Variants in TMEM44 observed in about 807,000 individuals in gnomAD.
TMEM44 encodes the protein transmembrane protein 44.
TMEM44 carries 43 observed loss-of-function variants against 47.8 expected under a neutral mutation model. The observed-to-expected ratio is 0.90, with a 90% CI of 0.70 to 1.16. The LOEUF (loss-of-function observed/expected upper bound fraction) is 1.16, where lower values mean the gene tolerates loss of function less well. TMEM44 is among the 50% of genes most tolerant of loss of function. The probability of loss-of-function intolerance (pLI) is 0.00; values close to 1 mark genes in which losing one functional copy is unlikely to be tolerated. For synonymous variants in TMEM44, 277 were observed against 238.8 expected (o/e 1.16, Z -1.48); for missense variants, 568 against 555.2 (o/e 1.02, Z -0.23).
In TMEM44 at chr3:194,588,228, A is replaced by G; in HGVS notation, c.*301T>C. ...TTCATGGCTGACTCTCAAGGGAATG[A>G]AGGGAAAAGGAAGAGCGGGTCTGAG... On this transcript the variant is annotated 3_prime_UTR_variant, in exon 10 of 10. Coordinates refer to ENST00000347147, the MANE Select transcript of TMEM44 (RefSeq NM_001011655.3). 3.0e-6 allele frequency: 1 copy of G among 335,522 alleles called. No homozygotes were observed. The highest frequency in any genetic ancestry group is 6.4e-5 in the East Asian group (1 of 15,652). 20.8% of individuals were successfully genotyped at this position (335,522 alleles called of 1,614,324 possible). A position where few individuals can be genotyped will look rare whatever the true frequency, so the allele number is the denominator to read the frequency against.
At chr3:194,620,604 C>T (rs1273823688) in intron 5 of TMEM44, among the ~76,000 whole-genome samples, 5 of 152,168 alleles carry the variant, frequency 3.3e-5, no homozygotes, top group Non-Finnish European at 7.3e-5. Context: ...TAAAGGGGCA[C>T]ATTTCAGGTT....
At chr3:194,600,974 T>C (rs1013160886) in intron 9 of TMEM44, among the ~76,000 whole-genome samples, 1 of 152,278 alleles carries the variant, frequency 6.6e-6, no homozygotes, top group Admixed American at 6.5e-5. Flanking sequence ...GTATTATCTG[T>C]ATGTTTTAGG....
At chr3:194,610,199 C>T (rs562821845) in intron 8 of TMEM44, among the ~76,000 whole-genome samples, 94 of 150,702 alleles carry the variant, frequency 6.2e-4, no homozygotes, top group African/African-American at 2.1e-3. Flanking sequence ...CCAGCCTGGG[C>T]GACAGAGTGT....
intron 5 of TMEM44, among the ~76,000 whole-genome samples, chr3:194,622,312 C>A (rs1716631531): frequency 1.3e-5 from 2 of 152,250 alleles, no homozygotes; most frequent in Non-Finnish European, 1.5e-5. Context: ...ACAGTTTTCA[C>A]CCTTGCTCAT....
chr3:194,615,684 G>C lies in TMEM44; in HGVS notation c.797C>G (p.Ser266Trp). ...AALDLAIIFLSCVMKSKMRQA... is the reference protein window; with the variant it reads ...AALDLAIIFLWCVMKSKMRQA... ...TCTCATCTTGCTCTTCATCACACAC[G>C]AAAGGAAAATAATCTGAGATGGTGT... The change falls in exon 7 of 10, where the codon TCG becomes TGG. Residue 266 changes from serine (S) to tryptophan (W), a missense_variant. Ser to Trp is a radical substitution (Grantham distance 177). Coordinates refer to ENST00000347147, the MANE Select transcript of TMEM44 (RefSeq NM_001011655.3). The C allele has an allele frequency of 6.2e-7, 1 of 1,613,846 alleles. No homozygotes were observed. Among genetic ancestry groups the C allele is most frequent in the Non-Finnish European group, 8.5e-7 (1 of 1,179,902 alleles).
intron 9 of TMEM44, among the ~76,000 whole-genome samples, chr3:194,591,325 T>C (rs1712676685): frequency 6.6e-6 from 1 of 151,742 alleles, no homozygotes. Context: ...AAACCCCATC[T>C]CTATTAAAAA....
At chr3:194,615,843 G>T in intron 6 of TMEM44, 146 bp from the exon 7 acceptor site, 1 of 1,146,142 alleles carries the variant, frequency 8.7e-7, no homozygotes, top group Non-Finnish European at 1.2e-6. Flanking sequence ...ACAGAGAGGA[G>T]CTCATCTGAA....
intron 9 of TMEM44, among the ~76,000 whole-genome samples, chr3:194,603,852 A>AT (rs113208853): frequency 1.8e-4 from 27 of 147,246 alleles, no homozygotes; most frequent in Admixed American, 3.4e-4. Flanking sequence ...ACGGAAGTTC[A>AT]TTTTTTTTTT....
chr3:194,587,928 G>C lies in TMEM44; in HGVS notation c.*601C>G, dbSNP rs188773838. ...AGGTTGGAGGAAGTCCTGGTACCCGGAGCAGTTTGCTTTGTTTTTGCAGTG... is the reference window on the plus strand; with the variant it reads ...AGGTTGGAGGAAGTCCTGGTACCCGCAGCAGTTTGCTTTGTTTTTGCAGTG... On this transcript the variant is annotated 3_prime_UTR_variant, in exon 10 of 10. Transcript: ENST00000347147. The C allele has an allele frequency of 1.3e-5, 2 of 152,654 alleles. No individual in the cohort carries two copies. The highest frequency in any genetic ancestry group is 2.9e-5 in the Non-Finnish European group (2 of 68,392). The allele number at this position is 152,654 out of a possible 1,614,324, so 9.5% of individuals were successfully genotyped here.
intron 8 of TMEM44, among the ~76,000 whole-genome samples, chr3:194,606,990 T>C (rs1714854396): frequency 7.2e-6 from 1 of 139,408 alleles, no homozygotes; most frequent in Admixed American, 7.2e-5. Context: ...AAAATAAAAA[T>C]AAAACAAAAT....
chr3:194,630,828 T>G lies in TMEM44; in HGVS notation c.137+2251A>C, dbSNP rs1023009301. ...GAGGGGCTGGCTGTTTCCGTCGGCA[T>G]CACTGATAGGGCCTCTGAAATAATA... On this transcript the variant is annotated intron_variant, in intron 1 of 9. Transcript: ENST00000347147. Among the ~76,000 whole-genome samples, 4 of 146,620 alleles carry G rather than the reference T, an allele frequency of 2.7e-5. No individual in the cohort carries two copies. The East Asian group carries it at 8.3e-4, about 31-fold the overall frequency.
intron 1 of TMEM44, chr3:194,632,837 G>C (rs1717960443): frequency 3.2e-6 from 2 of 622,560 alleles, no homozygotes; most frequent in African/African-American, 2.0e-5. Flanking sequence ...CGGTGTCCTC[G>C]GGGCCCCATC....
chr3:194,605,443 T>C (rs1040860156), intron 8 of TMEM44, among the ~76,000 whole-genome samples: 2 of 152,256 alleles, frequency 1.3e-5, no homozygotes, highest in African/African-American at 4.8e-5. Context: ...AGAGGTTTAA[T>C]GGACTTACAG....
At chr3:194,594,509 G>A (rs1713166746) in intron 9 of TMEM44, among the ~76,000 whole-genome samples, 1 of 150,664 alleles carries the variant, frequency 6.6e-6, no homozygotes, top group Non-Finnish European at 1.5e-5. Context: ...GTATCTCATA[G>A]ATAAGGACTT....
intron 9 of TMEM44, among the ~76,000 whole-genome samples, chr3:194,601,348 A>G (rs1490750755): frequency 6.7e-6 from 1 of 148,508 alleles, no homozygotes; most frequent in Non-Finnish European, 1.5e-5. Context: ...CTCGCTGCCC[A>G]GGCTGGAGTG....
intron 8 of TMEM44, among the ~76,000 whole-genome samples, chr3:194,610,487 G>A (rs1184513630): frequency 3.3e-5 from 5 of 152,026 alleles, no homozygotes; most frequent in Non-Finnish European, 7.4e-5. Flanking sequence ...TCTGCACCAG[G>A]AAGAGAGCTA....
chr3:194,602,271 G>A (rs1259237665), intron 9 of TMEM44, among the ~76,000 whole-genome samples: 2 of 152,174 alleles, frequency 1.3e-5, no homozygotes, highest in African/African-American at 2.4e-5. Flanking sequence ...TGTGGCTCCT[G>A]GGGCACACGG....
Position 194,611,619 on chromosome 3 carries a change from G to A in TMEM44, c.913-599C>T, listed in dbSNP as rs1715330762. 6.6e-6 allele frequency among the ~76,000 whole-genome samples: 1 copy of A among 152,186 alleles called. No individual in the cohort carries two copies. The highest frequency in any genetic ancestry group is 2.4e-5 in the African/African-American group (1 of 41,432). On this transcript the variant is annotated intron_variant, in intron 7 of 9. Transcript: ENST00000347147. This position sits in a 1 kb window ranked among gnomAD's most constrained non-coding sequence, Gnocchi z 4.2. ...TAAACGCGCCCCAGATGATTCTAAC[G>A]TGCGGCCAAGTTTGCGAACCACTGC...
chr3:194,632,013 A>C (rs1028701849), intron 1 of TMEM44, among the ~76,000 whole-genome samples: 1 of 152,202 alleles, frequency 6.6e-6, no homozygotes, highest in Admixed American at 6.5e-5. Flanking sequence ...TCTGATCTGA[A>C]CAGTTTAATC....
Sources: allele counts gnomAD v4.1 joint callset (sites outside exome capture counted in the v4.1 genomes callset), GRCh38; gene constraint gnomAD v4.1.1; non-coding constraint Gnocchi (gnomAD v3.1); transcripts MANE v1.5; gene names NCBI Gene and HGNC (gene_info 2026-07-23, HGNC 2026-07-21).